NHSL2: variants seen among roughly 807,000 people sequenced by gnomAD.
The protein encoded by NHSL2 is NHS-like protein 2.
A neutral mutation model predicts 53.4 loss-of-function variants in NHSL2; 27 were observed. That is an observed-to-expected ratio of 0.51 (90% CI 0.37 to 0.70). The LOEUF is 0.70. NHSL2 is among the 30% of genes least tolerant of loss of function. The probability of loss-of-function intolerance (pLI) is 0.00; values close to 1 mark genes in which losing one functional copy is unlikely to be tolerated. For missense variants in NHSL2, 892 were observed against 980.1 expected (o/e 0.91, Z 1.20); for synonymous variants, 408 against 404.1 (o/e 1.01, Z -0.12).
At chrX:72,012,484 G>A (rs2042120129) in intron 1 of NHSL2, among the ~76,000 whole-genome samples, 2 of 112,397 alleles carry the variant, frequency 1.8e-5, no homozygotes, top group African/African-American at 6.5e-5. Context: ...GCTTCTGCGG[G>A]CTGCCAATAC....
At chrX:71,975,707 C>T (rs73634896) in intron 1 of NHSL2, among the ~76,000 whole-genome samples, 190 of 110,804 alleles carry the variant, frequency 1.7e-3, no homozygotes, top group African/African-American at 6.0e-3. Flanking sequence ...CTCCCAGCAT[C>T]CTGGTTTGCA....
chrX:72,076,717 C>T (rs919898728), intron 1 of NHSL2, among the ~76,000 whole-genome samples: 7 of 112,488 alleles, frequency 6.2e-5, no homozygotes, highest in Admixed American at 9.4e-5. Context: ...GTCAGCTCCT[C>T]ATCACCCCTA....
Position 71,951,549 on chromosome X carries a change from A to T in NHSL2, c.280+40182A>T, listed in dbSNP as rs145761282. Among the ~76,000 whole-genome samples, 348 of 112,043 alleles carry T rather than the reference A, an allele frequency of 3.1e-3. 1 individual carries two copies. Among genetic ancestry groups the T allele is most frequent in the African/African-American group, 0.01 (323 of 30,853 alleles). ...TTTGTTATTTCTTGTGTTTCTGGTA[A>T]TGTCCAGCCTATTGGGTGCAAGGTG... On this transcript the variant is annotated intron_variant, in intron 1 of 7. Coordinates refer to ENST00000633930, the MANE Select transcript of NHSL2 (RefSeq NM_001013627.3).
intron 1 of NHSL2, among the ~76,000 whole-genome samples, chrX:71,978,395 C>G (rs1436210195): frequency 2.7e-5 from 3 of 112,234 alleles, no homozygotes; most frequent in African/African-American, 9.7e-5. Context: ...CCATAAGGCT[C>G]TCATTTGGTG....
chrX:72,070,186 G>A (rs1193484284), intron 1 of NHSL2, among the ~76,000 whole-genome samples: 1 of 95,114 alleles, frequency 1.1e-5, no homozygotes, highest in African/African-American at 4.1e-5. Flanking sequence ...TACCCGCCCT[G>A]AACATGTACA....
At chrX:72,021,907 G>A (rs1306194357) in intron 1 of NHSL2, among the ~76,000 whole-genome samples, 1 of 111,926 alleles carries the variant, frequency 8.9e-6, no homozygotes, top group Non-Finnish European at 1.9e-5. Flanking sequence ...TACTTGGCAT[G>A]TGGAGGTGCT....
At chrX:72,026,785 T>C (rs1189395562) in intron 1 of NHSL2, among the ~76,000 whole-genome samples, 5 of 111,759 alleles carry the variant, frequency 4.5e-5, no homozygotes. Flanking sequence ...ACAAAATGAC[T>C]CCCCATCTAC....
intron 1 of NHSL2, among the ~76,000 whole-genome samples, chrX:72,025,273 A>AT (rs765927839): frequency 3.6e-5 from 4 of 112,376 alleles, no homozygotes; most frequent in Non-Finnish European, 7.5e-5. Flanking sequence ...TCTCCCACCT[A>AT]TTTTTTTCCT....
At chrX:72,011,611 A>C (rs1170309711) in intron 1 of NHSL2, among the ~76,000 whole-genome samples, 1 of 110,963 alleles carries the variant, frequency 9.0e-6, no homozygotes, top group Non-Finnish European at 1.9e-5. Flanking sequence ...TGGAGGTTGC[A>C]GTGAGCTGAG....
Position 72,101,106 on chromosome X carries a change from G to T in NHSL2, c.281-30973G>T, listed in dbSNP as rs902789073. ...CTCTGAGGAAATCCCTACCACTGTG[G>T]TTGGGGAGGGTGTGGTGTGAAGAAC... On this transcript the variant is annotated intron_variant, in intron 1 of 7. Transcript: ENST00000633930. Among the ~76,000 whole-genome samples, 24 of 108,975 alleles carry T rather than the reference G, an allele frequency of 2.2e-4. 2 individuals are homozygous for T. The Admixed American group carries it at 2.2e-3, about 10-fold the overall frequency. 94.6% of individuals were successfully genotyped at this position (108,975 alleles called of 115,157 possible). A position where few individuals can be genotyped will look rare whatever the true frequency, so the allele number is the denominator to read the frequency against.
At chrX:71,967,996 CTT>C (rs371562625) in intron 1 of NHSL2, among the ~76,000 whole-genome samples, 6 of 97,522 alleles carry the variant, frequency 6.2e-5, no homozygotes, top group Admixed American at 1.1e-4. Flanking sequence ...GGAAGTCAAT[CTT>C]TTTTTTTTTT....
chrX:72,029,436 A>C (rs909173291), intron 1 of NHSL2, among the ~76,000 whole-genome samples: 1 of 112,589 alleles, frequency 8.9e-6, no homozygotes, highest in African/African-American at 3.2e-5. Flanking sequence ...AACTGGGCTT[A>C]TCTAAAGGGT....
chrX:72,052,140 A>G (rs1220405509), intron 1 of NHSL2, among the ~76,000 whole-genome samples: 1 of 112,381 alleles, frequency 8.9e-6, no homozygotes, highest in East Asian at 2.8e-4. Flanking sequence ...TGTGTATTAC[A>G]TACCTACTCT....
At chrX:72,029,630 C>T (rs1454932080) in intron 1 of NHSL2, among the ~76,000 whole-genome samples, 1 of 113,138 alleles carries the variant, frequency 8.8e-6, no homozygotes. Context: ...TGCCCTCGCA[C>T]ATGCTCTGCC....
intron 1 of NHSL2, chrX:72,128,242 T>C (rs1449563125): frequency 1.8e-5 from 2 of 111,746 alleles, no homozygotes; most frequent in Non-Finnish European, 3.8e-5. Flanking sequence ...CCTCCAGCTT[T>C]TTTCTCTTGC....
intron 1 of NHSL2, among the ~76,000 whole-genome samples, chrX:71,975,167 G>C (rs2041942848): frequency 8.9e-6 from 1 of 112,084 alleles, no homozygotes; most frequent in African/African-American, 3.2e-5. Context: ...ATTTGCCTTT[G>C]CAAGAGAAGT....
intron 6 of NHSL2, 133 bp downstream of exon 6, chrX:72,140,904 G>A (rs1263236047): frequency 1.9e-6 from 1 of 540,451 alleles, no homozygotes; most frequent in Non-Finnish European, 2.9e-6. Flanking sequence ...ACCCTTTGAG[G>A]GTTTGAGTTA....
intron 1 of NHSL2, among the ~76,000 whole-genome samples, chrX:72,078,036 G>T: frequency 8.9e-6 from 1 of 112,656 alleles, no homozygotes. Context: ...CCTTTTATTA[G>T]CTCCTAAAGG....
intron 1 of NHSL2, among the ~76,000 whole-genome samples, chrX:72,087,542 AG>A (rs766773670): frequency 8.9e-6 from 1 of 112,920 alleles, no homozygotes; most frequent in African/African-American, 3.2e-5. Flanking sequence ...AGTTTTAAAA[AG>A]GTGTGAGAGA....
Sources: gnomAD v4.1 joint callset for allele counts (sites outside exome capture counted in the v4.1 genomes callset) on GRCh38, gnomAD v4.1.1 for gene constraint, MANE v1.5 for transcripts, NCBI Gene and HGNC (gene_info 2026-07-23, HGNC 2026-07-21) for gene names.